Variants in PTGR3 observed in about 807,000 individuals in gnomAD.
The protein encoded by PTGR3 is zinc binding alcohol dehydrogenase domain containing 2.
the PTGR3 span, among the ~76,000 whole-genome samples, chr18:75,204,734 C>A: frequency 6.6e-6 from 1 of 152,124 alleles, no homozygotes; most frequent in Non-Finnish European, 1.5e-5. Flanking sequence ...ATTCCTCAGG[C>A]CTGCGACCGT....
At chr18:75,208,907 A>C in the PTGR3 span, 1 of 1,574,502 alleles carries the variant, frequency 6.4e-7, no homozygotes, top group Non-Finnish European at 8.6e-7. Flanking sequence ...GTCCCGGCTC[A>C]GGGTGACGGC....
At chr18:75,209,125 G>A in the PTGR3 span, 2 of 1,289,222 alleles carry the variant, frequency 1.6e-6, no homozygotes, top group Non-Finnish European at 2.0e-6. The surrounding 1 kb of genome is among the most constrained non-coding windows in gnomAD (Gnocchi z 4.7). Context: ...GGGCCGCTCG[G>A]CTCGGCTGTG....
chr18:75,205,587 CAG>C, the PTGR3 span: 4 of 704,588 alleles, frequency 5.7e-6, no homozygotes, highest in Admixed American at 6.3e-5. Flanking sequence ...TACTGAGAAA[CAG>C]AGCGATCCTG....
At chr18:75,208,835 G>T in the PTGR3 span, 2 of 1,477,124 alleles carry the variant, frequency 1.4e-6, no homozygotes, top group Non-Finnish European at 1.8e-6. Flanking sequence ...TGGGGTTGGG[G>T]GGCGCCGGGC....
At chr18:75,201,786 A>G in the PTGR3 span, 1 of 1,614,212 alleles carries the variant, frequency 6.2e-7, no homozygotes, top group Non-Finnish European at 8.5e-7. Flanking sequence ...GTCTACAGCC[A>G]AGTCAAACAT....
chr18:75,197,225 C>T, the PTGR3 span: 16 of 152,056 alleles, frequency 1.1e-4, no homozygotes, highest in Non-Finnish European at 1.9e-4. Flanking sequence ...AACAGGGTGA[C>T]TATAAGCAAT....
the PTGR3 span, among the ~76,000 whole-genome samples, chr18:75,204,353 A>G: frequency 1.3e-5 from 2 of 152,190 alleles, no homozygotes; most frequent in Non-Finnish European, 2.9e-5. Context: ...GAGCGCGCAC[A>G]CGCGCTGGAC....
At chr18:75,202,016 C>T in the PTGR3 span, 1 of 1,614,198 alleles carries the variant, frequency 6.2e-7, no homozygotes, top group Non-Finnish European at 8.5e-7. Flanking sequence ...CTGCTGCTGT[C>T]ACCAAAACTT....
chr18:75,196,576 C>G, the PTGR3 span: 6 of 131,782 alleles, frequency 4.6e-5, no homozygotes, highest in Admixed American at 5.2e-4. Flanking sequence ...AGGTTGCAAT[C>G]AACCATGATT....
chr18:75,198,578 C>G, the PTGR3 span: 1 of 151,882 alleles, frequency 6.6e-6, no homozygotes, highest in African/African-American at 2.4e-5. Context: ...CAAAGGAACC[C>G]CTAAATGACA....
chr18:75,200,154 G>C, the PTGR3 span: 1 of 152,164 alleles, frequency 6.6e-6, no homozygotes, highest in Non-Finnish European at 1.5e-5. Flanking sequence ...CCTTCAATCA[G>C]AACGGGCCCA....
chr18:75,202,565 C>T, the PTGR3 span, among the ~76,000 whole-genome samples: 2 of 150,698 alleles, frequency 1.3e-5, no homozygotes, highest in African/African-American at 4.9e-5. Context: ...TTTTTCCTTT[C>T]ATCAGTTTAG....
At chr18:75,208,769 C>G in the PTGR3 span, 3 of 1,263,912 alleles carry the variant, frequency 2.4e-6, no homozygotes, top group Non-Finnish European at 3.0e-6. Flanking sequence ...CGCGGGCGGG[C>G]TGGGGACTGC....
the PTGR3 span, among the ~76,000 whole-genome samples, chr18:75,205,789 A>T: frequency 7.0e-6 from 1 of 141,874 alleles, no homozygotes; most frequent in Non-Finnish European, 1.6e-5. Flanking sequence ...CAAGAAAGAA[A>T]GACAAGAAAA....
At chr18:75,195,877 G>A in the PTGR3 span, 1 of 152,212 alleles carries the variant, frequency 6.6e-6, no homozygotes, top group East Asian at 1.9e-4. Flanking sequence ...TCACGCTACT[G>A]TACTTCAGTC....
chr18:75,205,049 G>A, the PTGR3 span: 83 of 641,040 alleles, frequency 1.3e-4, 5 homozygotes, highest in Non-Finnish European at 3.9e-6. Flanking sequence ...CGGCTCGGGT[G>A]GCTCCTCGCG....
the PTGR3 span, among the ~76,000 whole-genome samples, chr18:75,204,812 C>T: frequency 1.3e-5 from 2 of 152,134 alleles, no homozygotes; most frequent in African/African-American, 4.8e-5. Context: ...TTCGTCCCAG[C>T]GCCGGCCGCG....
chr18:75,205,415 G>T, the PTGR3 span: 3 of 985,168 alleles, frequency 3.0e-6, no homozygotes, highest in Non-Finnish European at 3.6e-6. Flanking sequence ...TGCAGTGAGC[G>T]CAGGATTCTA....
chr18:75,204,549 C>G, the PTGR3 span, among the ~76,000 whole-genome samples: 1 of 152,176 alleles, frequency 6.6e-6, no homozygotes, highest in Non-Finnish European at 1.5e-5. Flanking sequence ...GGCCCGCGTG[C>G]CCGTCCAGGC....
Sources: allele counts gnomAD v4.1 joint callset (sites outside exome capture counted in the v4.1 genomes callset), GRCh38; gene constraint gnomAD v4.1.1; non-coding constraint Gnocchi (gnomAD v3.1); transcripts MANE v1.5; gene names NCBI Gene and HGNC (gene_info 2026-07-23, HGNC 2026-07-21).